The following KCTD16 variants were observed in gnomAD, a reference collection of about 807,000 sequenced individuals.
KCTD16 encodes potassium channel tetramerization domain containing 16.
Under a neutral mutation model 33.2 loss-of-function variants are expected in KCTD16, and 13 were observed. The ratio of observed to expected loss-of-function variants is 0.39; its 90% CI spans 0.25 to 0.62. The LOEUF (loss-of-function observed/expected upper bound fraction) is 0.62. Among genes scored for constraint, KCTD16 ranks in the 20% least tolerant of loss-of-function variants. KCTD16 has a pLI of 0.50. For missense variants in KCTD16, 441 were observed against 525.1 expected (o/e 0.84, Z 1.57); for synonymous variants, 197 against 195.3 (o/e 1.01, Z -0.07).
rs1335241599 is a variant in KCTD16, at chr5:144,446,868, T to C, written c.833-26792T>C. 2.0e-5 allele frequency among the ~76,000 whole-genome samples: 3 copies of C among 152,096 alleles called. No homozygotes were observed. In the East Asian group the frequency reaches 5.8e-4, roughly 29 times the overall value. ...AAAACCACAATGAGATACTATCTCG[T>C]GCCAGTTAGAATGGCGATCATTAAG... On this transcript the variant is annotated intron_variant, in intron 3 of 3. Transcript: ENST00000512467.
chr5:144,368,437 T>C (rs1158104880), intron 3 of KCTD16, among the ~76,000 whole-genome samples: 1 of 152,034 alleles, frequency 6.6e-6, no homozygotes, highest in African/African-American at 2.4e-5. Flanking sequence ...GGAAAAGGAA[T>C]GTGGGTGGTA....
In KCTD16 at chr5:144,207,547, G is replaced by T; in HGVS notation, c.832+1G>T. 1 of 1,604,088 alleles carries T rather than the reference G, an allele frequency of 6.2e-7. No homozygotes were observed. The highest frequency in any genetic ancestry group is 8.5e-7 in the Non-Finnish European group (1 of 1,172,998). On this transcript the variant is annotated splice_donor_variant, in intron 3 of 3. Transcript: ENST00000512467. LOFTEE classifies it high-confidence loss of function. ...AGCTACACTGAATATGTCTTCTACCGTAAGTACAAAGGGTTGTTTTAATTT... is the reference window on the plus strand; with the variant it reads ...AGCTACACTGAATATGTCTTCTACCTTAAGTACAAAGGGTTGTTTTAATTT...
chr5:144,393,308 A>T (rs2126940018), intron 3 of KCTD16, among the ~76,000 whole-genome samples: 1 of 152,278 alleles, frequency 6.6e-6, no homozygotes, highest in Admixed American at 6.5e-5. Flanking sequence ...ATTATTATTT[A>T]TATGTCATTC....
chr5:144,328,628 C>CT (rs1273335301), intron 3 of KCTD16, among the ~76,000 whole-genome samples: 1 of 151,648 alleles, frequency 6.6e-6, no homozygotes, highest in African/African-American at 2.4e-5. Flanking sequence ...TATGTGTAAA[C>CT]TAACTGTGGC....
rs1213957232 is a variant in KCTD16 at position 144,299,281 on chromosome 5, G to A, written c.832+91735G>A. On this transcript the variant is annotated intron_variant, in intron 3 of 3. Transcript: ENST00000512467. The stretch of plus-strand genomic sequence containing the variant: ...CAACCTTTTCCTCAAAAAGAACCAA[G>A]AAGGGAAACAAGTCCACTTGGCTGT... 2.0e-5 allele frequency among the ~76,000 whole-genome samples: 3 copies of A among 148,752 alleles called. No homozygotes were observed. The Admixed American group carries it at 2.0e-4, about 10-fold the overall frequency.
chr5:144,354,093 TGC>T (rs1751514017), intron 3 of KCTD16, among the ~76,000 whole-genome samples: 1 of 152,140 alleles, frequency 6.6e-6, no homozygotes, highest in South Asian at 2.1e-4. Flanking sequence ...AGAAATGATC[TGC>T]CTGCTTAGAA....
intron 3 of KCTD16, among the ~76,000 whole-genome samples, chr5:144,467,005 ATTATATATAAT>A (rs1754351260): frequency 1.6e-5 from 2 of 125,362 alleles, no homozygotes; most frequent in East Asian, 4.6e-4. Flanking sequence ...TATTATATAT[ATTATATATAAT>A]ATATATAACA....
chr5:144,356,594 C>G (rs544031095), intron 3 of KCTD16, among the ~76,000 whole-genome samples: 2 of 152,146 alleles, frequency 1.3e-5, no homozygotes, highest in Admixed American at 1.3e-4. Context: ...TGTCTGCATC[C>G]CAGGAGTTTT....
intron 3 of KCTD16, among the ~76,000 whole-genome samples, chr5:144,239,310 G>T (rs1206725883): frequency 6.6e-6 from 1 of 152,094 alleles, no homozygotes; most frequent in African/African-American, 2.4e-5. Context: ...TTATTAAGAA[G>T]TTTGGGTAAG....
intron 3 of KCTD16, among the ~76,000 whole-genome samples, chr5:144,449,891 A>G (rs1255974967): frequency 6.6e-6 from 1 of 151,994 alleles, no homozygotes; most frequent in Non-Finnish European, 1.5e-5. Context: ...GGTCTTGGCA[A>G]TGTTTTCTTG....
intron 3 of KCTD16, among the ~76,000 whole-genome samples, chr5:144,289,478 G>C (rs562079839): frequency 6.6e-6 from 1 of 152,142 alleles, no homozygotes; most frequent in Non-Finnish European, 1.5e-5. Flanking sequence ...ACACCATCTG[G>C]TAGGAGAGGG....
At chr5:144,316,052 C>T (rs570399630) in intron 3 of KCTD16, among the ~76,000 whole-genome samples, 3 of 149,074 alleles carry the variant, frequency 2.0e-5, no homozygotes, top group South Asian at 2.1e-4. Context: ...ATTTCGTTTT[C>T]GTAGGAACAA....
intron 3 of KCTD16, among the ~76,000 whole-genome samples, chr5:144,289,434 A>G (rs1755834673): frequency 1.3e-5 from 2 of 152,204 alleles, no homozygotes; most frequent in Admixed American, 1.3e-4. Flanking sequence ...CTTATCACTC[A>G]TCTTGCATTA....
intron 3 of KCTD16, among the ~76,000 whole-genome samples, chr5:144,244,805 G>C (rs1754505279): frequency 6.6e-6 from 1 of 152,134 alleles, no homozygotes; most frequent in African/African-American, 2.4e-5. Context: ...TTGAGCTTCA[G>C]ATTCTTAATT....
intron 3 of KCTD16, among the ~76,000 whole-genome samples, chr5:144,407,222 T>C (rs545000649): frequency 6.8e-6 from 1 of 147,810 alleles, no homozygotes; most frequent in East Asian, 2.0e-4. Flanking sequence ...TTTTTTAAAC[T>C]ATGTCATCAA....
At chr5:144,432,889 CAT>C (rs747632345) in intron 3 of KCTD16, among the ~76,000 whole-genome samples, 8 of 152,012 alleles carry the variant, frequency 5.3e-5, no homozygotes, top group Middle Eastern at 3.2e-3. Flanking sequence ...TTTTAATAAA[CAT>C]ATTTTTAATT....
At chr5:144,256,271 T>TCA (rs1754844770) in intron 3 of KCTD16, among the ~76,000 whole-genome samples, 1 of 152,196 alleles carries the variant, frequency 6.6e-6, no homozygotes, top group African/African-American at 2.4e-5. Context: ...GATATAAACA[T>TCA]CACATTCTAC....
At chr5:144,192,473 G>T (rs1271141592) in intron 2 of KCTD16, among the ~76,000 whole-genome samples, 2 of 152,182 alleles carry the variant, frequency 1.3e-5, no homozygotes, top group Non-Finnish European at 2.9e-5. Context: ...GGAGATTTTA[G>T]ACCAGGGAAC....
chr5:144,248,552 C>T (rs1754611673), intron 3 of KCTD16, among the ~76,000 whole-genome samples: 1 of 152,210 alleles, frequency 6.6e-6, no homozygotes, highest in Non-Finnish European at 1.5e-5. Flanking sequence ...TTCATTTTAA[C>T]AGGCTCCCTC....
Sources: gnomAD v4.1 joint callset for allele counts (sites outside exome capture counted in the v4.1 genomes callset) on GRCh38, gnomAD v4.1.1 for gene constraint, MANE v1.5 for transcripts, NCBI Gene and HGNC (gene_info 2026-07-23, HGNC 2026-07-21) for gene names.